The following NPAS3 variants were observed in gnomAD, a reference collection of about 807,000 sequenced individuals.
The protein encoded by NPAS3 is neuronal PAS domain protein 3, also known as neuronal PAS domain-containing protein 3.
In NPAS3, 14 loss-of-function variants were observed where a neutral mutation model predicts 73.1. The ratio of observed to expected loss-of-function variants is 0.19; its 90% confidence interval spans 0.13 to 0.30. The LOEUF (loss-of-function observed/expected upper bound fraction) is 0.30, where lower values mean the gene tolerates loss of function less well. NPAS3 is among the 10% of genes least tolerant of loss of function. The pLI, the probability that NPAS3 is intolerant of heterozygous loss-of-function variation, is 1.00. For missense variants in NPAS3, 1,096 were observed against 1,250.0 expected (o/e 0.88, Z 1.86); for synonymous variants, 620 against 541.5 (o/e 1.14, Z -2.01).
At chr14:33,517,373 G>A (rs1023550384) in intron 4 of NPAS3, among the ~76,000 whole-genome samples, 1 of 152,006 alleles carries the variant, frequency 6.6e-6, no homozygotes, top group African/African-American at 2.4e-5. Context: ...CATTTACATG[G>A]TGCTCTACAG....
chr14:33,151,514 C>T (rs2044443794), intron 2 of NPAS3, among the ~76,000 whole-genome samples: 1 of 152,176 alleles, frequency 6.6e-6, no homozygotes, highest in South Asian at 2.1e-4. Flanking sequence ...CTAAAATATG[C>T]ACACTGTTTT....
At chr14:33,398,979 C>A (rs763105891) in intron 4 of NPAS3, among the ~76,000 whole-genome samples, 3 of 152,038 alleles carry the variant, frequency 2.0e-5, no homozygotes, top group African/African-American at 7.2e-5. Context: ...CCCACTGTGA[C>A]AATTAGCTCC....
At chr14:33,174,742 T>G (rs1237799576) in intron 2 of NPAS3, among the ~76,000 whole-genome samples, 1 of 152,120 alleles carries the variant, frequency 6.6e-6, no homozygotes, top group Non-Finnish European at 1.5e-5. Flanking sequence ...GATTAAAACT[T>G]AAAGAGAATA....
chr14:33,317,265 C>G (rs909212307), intron 3 of NPAS3, among the ~76,000 whole-genome samples: 3 of 152,058 alleles, frequency 2.0e-5, no homozygotes, highest in Non-Finnish European at 4.4e-5. Context: ...ATGTTCAGAG[C>G]ACATATACCC....
intron 1 of NPAS3, among the ~76,000 whole-genome samples, chr14:32,983,736 T>A (rs2037991384): frequency 6.6e-6 from 1 of 152,052 alleles, no homozygotes; most frequent in Admixed American, 6.6e-5. Context: ...TATTATATAT[T>A]TTTTAAATGG....
At chr14:33,673,304 G>C (rs1170462243) in intron 5 of NPAS3, among the ~76,000 whole-genome samples, 5 of 152,208 alleles carry the variant, frequency 3.3e-5, no homozygotes. Flanking sequence ...GCCTTTTCCA[G>C]TATTCAGGTT....
chr14:33,446,872 T>G (rs1432263775), intron 4 of NPAS3, among the ~76,000 whole-genome samples: 1 of 152,246 alleles, frequency 6.6e-6, no homozygotes, highest in East Asian at 1.9e-4. Context: ...TGTTTTCTAA[T>G]ATGTTGATTT....
chr14:33,243,275 A>G (rs1798034021), intron 3 of NPAS3, among the ~76,000 whole-genome samples: 1 of 152,162 alleles, frequency 6.6e-6, no homozygotes, highest in African/African-American at 2.4e-5. Context: ...AGAATAATGC[A>G]AACTGGGATA....
chr14:33,004,353 C>A (rs1286958433), intron 1 of NPAS3, among the ~76,000 whole-genome samples: 1 of 152,080 alleles, frequency 6.6e-6, no homozygotes, highest in Non-Finnish European at 1.5e-5. Context: ...CACTGTACAG[C>A]ATGTTATTGT....
intron 3 of NPAS3, among the ~76,000 whole-genome samples, chr14:33,302,911 CTT>C (rs527786607): frequency 2.1e-5 from 3 of 143,814 alleles, no homozygotes; most frequent in African/African-American, 2.5e-5. Flanking sequence ...GCCTCTCTCT[CTT>C]TTTTTTTTTT....
At chr14:33,725,108 A>G (rs141923143) in intron 6 of NPAS3, among the ~76,000 whole-genome samples, 3 of 152,258 alleles carry the variant, frequency 2.0e-5, no homozygotes, top group African/African-American at 7.2e-5. Flanking sequence ...TAGAACCCCA[A>G]CATCCATTTA....
chr14:33,089,038 C>CAAAGATTAAAGGTAGATAAAACCACA (rs57623601), intron 2 of NPAS3, among the ~76,000 whole-genome samples: 1 of 144,654 alleles, frequency 6.9e-6, no homozygotes, highest in African/African-American at 2.7e-5. Context: ...TCACCATCAT[C>CAAAGATTAAAGGTAGATAAAACCACA]AAGATGAGGA....
chr14:33,618,423 A>C (rs1328039286), intron 5 of NPAS3, among the ~76,000 whole-genome samples: 1 of 152,208 alleles, frequency 6.6e-6, no homozygotes, highest in South Asian at 2.1e-4. Flanking sequence ...GATTCTCCTT[A>C]AGTAGTTGCA....
In NPAS3 at chr14:33,658,576, C is replaced by G. The variant is rs1424025472; in HGVS notation, c.559-17635C>G. On this transcript the variant is annotated intron_variant, in intron 5 of 11. Coordinates refer to ENST00000356141, the Ensembl canonical transcript of NPAS3. ...TAAAACACACCAGTATAGAGCTGCT[C>G]TAGTTGGAAAGTGAGAGAGAGAGGC... Among the ~76,000 whole-genome samples, 7 of 152,136 alleles carry G rather than the reference C, an allele frequency of 4.6e-5. No homozygotes were observed. In the East Asian group the frequency reaches 9.6e-4, roughly 21 times the overall value.
chr14:33,347,600 G>A (rs1397905194), intron 3 of NPAS3, among the ~76,000 whole-genome samples: 1 of 152,204 alleles, frequency 6.6e-6, no homozygotes, highest in African/African-American at 2.4e-5. Flanking sequence ...GGAGCCCAGA[G>A]AATAGTACAG....
intron 5 of NPAS3, among the ~76,000 whole-genome samples, chr14:33,622,903 T>C (rs1016371047): frequency 3.9e-5 from 6 of 152,196 alleles, no homozygotes; most frequent in African/African-American, 1.4e-4. Context: ...ATGCTAGGTA[T>C]GTTTGGTGAG....
rs889231287 is a variant in NPAS3, at chr14:33,498,945, T to A, written c.469-61176T>A. Among the ~76,000 whole-genome samples the A allele has an allele frequency of 1.4e-3, 186 of 137,172 alleles. 1 individual carries two copies. Among genetic ancestry groups the A allele is most frequent in the Middle Eastern group, 0.011 (3 of 278 alleles). The allele number at this position is 137,172 out of a possible 152,430, so 90.0% of individuals were successfully genotyped here. A position where few individuals can be genotyped will look rare whatever the true frequency, so the allele number is the denominator to read the frequency against. ...GAGAGACAGAGAGAGAGTGTGTGTGTGTGTGTGTGTGTGTGTGTGTGTGTG... is the reference window on the plus strand; with the variant it reads ...GAGAGACAGAGAGAGAGTGTGTGTGAGTGTGTGTGTGTGTGTGTGTGTGTG... On this transcript the variant is annotated intron_variant, in intron 4 of 11. Transcript: ENST00000356141.
At chr14:32,935,580 G>A (rs1160064815), upstream of NPAS3, among the ~76,000 whole-genome samples, 2 of 152,202 alleles carry the variant, frequency 1.3e-5, no homozygotes, top group Non-Finnish European at 2.9e-5. Flanking sequence ...GCATTATAAT[G>A]CAAATGCATA....
At chr14:33,317,042 G>A (rs1252545021) in intron 3 of NPAS3, among the ~76,000 whole-genome samples, 5 of 152,078 alleles carry the variant, frequency 3.3e-5, no homozygotes, top group African/African-American at 9.7e-5. Flanking sequence ...TGTCTAATAG[G>A]AGTGAGAGGG....
Sources: allele counts gnomAD v4.1 joint callset (sites outside exome capture counted in the v4.1 genomes callset), GRCh38; gene constraint gnomAD v4.1.1; transcripts MANE v1.5; gene names NCBI Gene and HGNC (gene_info 2026-07-23, HGNC 2026-07-21).